The following WWOX variants were observed in gnomAD, a reference collection of about 807,000 sequenced individuals.
WWOX encodes the protein WW domain containing oxidoreductase.
Under a neutral mutation model 46.2 loss-of-function variants are expected in WWOX, and 69 were observed. The ratio of observed to expected loss-of-function variants is 1.49; its 90% CI spans 1.23 to 1.82. The LOEUF (loss-of-function observed/expected upper bound fraction) is 1.82, where lower values mean the gene tolerates loss of function less well. Among genes scored for constraint, WWOX ranks in the 40% most tolerant of loss-of-function variants. WWOX has a pLI of 0.00. For synonymous variants in WWOX, 359 were observed against 202.6 expected (o/e 1.77, Z -6.56); for missense variants, 919 against 542.6 (o/e 1.69, Z -6.89).
chr16:78,115,844 T>A (rs1466170998), intron 4 of WWOX, among the ~76,000 whole-genome samples: 14 of 152,200 alleles, frequency 9.2e-5, no homozygotes, highest in Non-Finnish European at 1.5e-5. Context: ...AACCACCTGC[T>A]TTGAGTTTAG....
chr16:78,696,855 A>G (rs1187756990), intron 8 of WWOX, among the ~76,000 whole-genome samples: 1 of 152,088 alleles, frequency 6.6e-6, no homozygotes, highest in Non-Finnish European at 1.5e-5. Flanking sequence ...CCATTGTATC[A>G]TTCTTATGCC....
Position 79,212,359 on chromosome 16 carries a change from AG to A in WWOX, c.*566del, listed in dbSNP as rs2051794564. On this transcript the variant is annotated 3_prime_UTR_variant, in exon 9 of 9. Coordinates refer to ENST00000566780, the MANE Select transcript of WWOX (RefSeq NM_016373.4). ...CAGTGAGGATGACAGTGACACCCAG[AG>A]GGAGTAGAATACGCAGAACTACCAG... 1 of 584,538 alleles carries A rather than the reference AG, an allele frequency of 1.7e-6. No individual in the cohort carries two copies. The highest frequency in any genetic ancestry group is 2.9e-6 in the Non-Finnish European group (1 of 346,598). 36.2% of individuals were successfully genotyped at this position (584,538 alleles called of 1,614,324 possible).
intron 8 of WWOX, among the ~76,000 whole-genome samples, chr16:78,804,863 A>T (rs113170378): frequency 5.3e-5 from 8 of 152,236 alleles, no homozygotes; most frequent in African/African-American, 1.9e-4. Context: ...GGATGTAGCC[A>T]TGACAGTATT....
chr16:78,731,771 C>G (rs1042266599), intron 8 of WWOX, among the ~76,000 whole-genome samples: 4 of 151,780 alleles, frequency 2.6e-5, no homozygotes, highest in Admixed American at 2.0e-4. Context: ...TGAATCCACT[C>G]TGCAGTTGTT....
chr16:78,775,241 C>G lies in WWOX; in HGVS notation c.1056+342489C>G, dbSNP rs528286130. The stretch of plus-strand genomic sequence containing the variant: ...TTATCAGGACTGTATTCAGCCCGGC[C>G]AATAATATCACAAAACAAAAATATC... On this transcript the variant is annotated intron_variant, in intron 8 of 8. Transcript: ENST00000566780. 7.2e-5 allele frequency among the ~76,000 whole-genome samples: 11 copies of G among 152,226 alleles called. No individual in the cohort carries two copies. In the South Asian group the frequency reaches 2.3e-3, roughly 32 times the overall value.
intron 8 of WWOX, among the ~76,000 whole-genome samples, chr16:79,181,099 C>T (rs907590858): frequency 1.3e-5 from 2 of 152,194 alleles, no homozygotes; most frequent in African/African-American, 4.8e-5. Flanking sequence ...TGCTCTACCT[C>T]TTCCCTTTGC....
At chr16:78,996,385 C>A (rs867902275) in intron 8 of WWOX, 77 of 766,886 alleles carry the variant, frequency 1.0e-4, no homozygotes, top group Middle Eastern at 1.4e-3. Flanking sequence ...CACCCCCGCC[C>A]CCCAGCTTCC....
intron 8 of WWOX, among the ~76,000 whole-genome samples, chr16:79,157,091 T>G (rs2050396348): frequency 2.0e-5 from 3 of 152,192 alleles, no homozygotes; most frequent in Admixed American, 2.0e-4. Context: ...AGAGAAAGTA[T>G]TAGGAAAAAC....
chr16:78,742,584 C>A (rs915347774), intron 8 of WWOX, among the ~76,000 whole-genome samples: 2 of 152,214 alleles, frequency 1.3e-5, no homozygotes, highest in Admixed American at 6.5e-5. Context: ...GAACGCACAG[C>A]GATCCCCAGC....
rs183932747 is a variant in WWOX, at chr16:78,310,087, C to G, written c.517-76773C>G. On this transcript the variant is annotated intron_variant, in intron 5 of 8. Transcript: ENST00000566780. ...TCCTTCCCCCTCTCTTTTTCCTTTTCTTTCTATCATCATCCATAGCTCTCT... is the reference window on the plus strand; with the variant it reads ...TCCTTCCCCCTCTCTTTTTCCTTTTGTTTCTATCATCATCCATAGCTCTCT... Among the ~76,000 whole-genome samples the G allele has an allele frequency of 4.3e-3, 652 of 151,732 alleles. 3 individuals are homozygous for G. The highest frequency in any genetic ancestry group is 5.2e-3 in the Non-Finnish European group (351 of 67,920).
rs9936628 is a variant in WWOX at position 78,927,976 on chromosome 16, T to C, written c.1057-283632T>C. ...AACTGAATAAACAATCTCAGGGTTTTTGTGTGTGTGTGTATGTGTGTGTGC... is the reference window on the plus strand; with the variant it reads ...AACTGAATAAACAATCTCAGGGTTTCTGTGTGTGTGTGTATGTGTGTGTGC... On this transcript the variant is annotated intron_variant, in intron 8 of 8. Transcript: ENST00000566780. Among the ~76,000 whole-genome samples, 9 of 151,818 alleles carry C rather than the reference T, an allele frequency of 5.9e-5. 1 individual carries two copies. The highest frequency in any genetic ancestry group is 1.9e-4 in the African/African-American group (8 of 41,294).
At chr16:78,725,086 G>A (rs2048793236) in intron 8 of WWOX, among the ~76,000 whole-genome samples, 1 of 152,050 alleles carries the variant, frequency 6.6e-6, no homozygotes, top group Non-Finnish European at 1.5e-5. Flanking sequence ...TGAATCATGG[G>A]GGTGGTTCCC....
At chr16:78,590,354 G>C (rs980146613) in intron 8 of WWOX, among the ~76,000 whole-genome samples, 1 of 152,088 alleles carries the variant, frequency 6.6e-6, no homozygotes, top group Non-Finnish European at 1.5e-5. Flanking sequence ...ATTCTAAGAG[G>C]AATCTGAAAG....
chr16:79,054,323 C>A (rs771150989), intron 8 of WWOX, among the ~76,000 whole-genome samples: 5 of 152,114 alleles, frequency 3.3e-5, no homozygotes, highest in Non-Finnish European at 7.4e-5. Context: ...CCAGCTATCC[C>A]GGTTTCTTAT....
At chr16:79,072,500 A>G (rs1306012351) in intron 8 of WWOX, among the ~76,000 whole-genome samples, 8 of 152,232 alleles carry the variant, frequency 5.3e-5, no homozygotes, top group Non-Finnish European at 1.0e-4. Flanking sequence ...ATTTCTGGAC[A>G]GAGAAAAGCT....
chr16:78,826,805 C>T (rs558635531), intron 8 of WWOX, among the ~76,000 whole-genome samples: 1 of 152,304 alleles, frequency 6.6e-6, no homozygotes, highest in East Asian at 1.9e-4. Context: ...TATGAGGTCA[C>T]AGTCACAGCC....
At chr16:78,851,949 C>T (rs1223545156) in intron 8 of WWOX, among the ~76,000 whole-genome samples, 3 of 152,190 alleles carry the variant, frequency 2.0e-5, no homozygotes, top group East Asian at 1.9e-4. Flanking sequence ...CTCTTGGTTT[C>T]TGTACCTGTA....
intron 8 of WWOX, among the ~76,000 whole-genome samples, chr16:79,051,069 T>C (rs2150528632): frequency 6.6e-6 from 1 of 152,338 alleles, no homozygotes; most frequent in South Asian, 2.1e-4. Flanking sequence ...GTAGCCATTA[T>C]ATTTGCTGCC....
At chr16:78,335,732 G>C (rs1402096521) in intron 5 of WWOX, among the ~76,000 whole-genome samples, 3 of 152,156 alleles carry the variant, frequency 2.0e-5, no homozygotes, top group Non-Finnish European at 4.4e-5. Flanking sequence ...ATGTGATTCT[G>C]AGACAGACTC....
Sources: gnomAD v4.1 joint callset for allele counts (sites outside exome capture counted in the v4.1 genomes callset) on GRCh38, gnomAD v4.1.1 for gene constraint, MANE v1.5 for transcripts, NCBI Gene and HGNC (gene_info 2026-07-23, HGNC 2026-07-21) for gene names.